Variants in SEMA5A observed in about 807,000 individuals in gnomAD.
The protein encoded by SEMA5A is semaphorin 5A.
A neutral mutation model predicts 135.5 loss-of-function variants in SEMA5A; 55 were observed. The ratio of observed to expected loss-of-function variants is 0.41; its 90% confidence interval spans 0.33 to 0.51. The LOEUF (loss-of-function observed/expected upper bound fraction) is 0.51. Ranked by LOEUF, SEMA5A falls within the 20% of genes least tolerant of loss-of-function variation. The pLI is 0.37. For synonymous variants in SEMA5A, 580 were observed against 546.5 expected (o/e 1.06, Z -0.85); for missense variants, 1,290 against 1,419.9 (o/e 0.91, Z 1.47).
chr5:9,225,384 T>C (rs1747239338), intron 7 of SEMA5A, among the ~76,000 whole-genome samples: 2 of 85,132 alleles, frequency 2.3e-5, no homozygotes, highest in South Asian at 5.4e-4. Context: ...AAACCCCATC[T>C]CTACTAAAAA....
chr5:9,051,986 G>C lies in SEMA5A; in HGVS notation c.2732C>G (p.Ser911Cys), dbSNP rs376932911. The C allele has an allele frequency of 2.5e-6, 4 of 1,613,548 alleles. No homozygotes were observed. In the African/African-American group the frequency reaches 5.3e-5, roughly 22 times the overall value. The change falls in exon 20 of 23, where the codon TCT becomes TGT. Residue 911 changes from serine (S) to cysteine (C), a missense_variant. Ser to Cys is a moderately radical substitution (Grantham distance 112). Coordinates refer to ENST00000382496, the MANE Select transcript of SEMA5A (RefSeq NM_003966.3). ...EWSDWSECEA[S>C]GVQVRARQCI... Reference sequence around the variant, plus strand: ...CTGGCGGGCGCGGACTTGGACGCCAGAGGCTTCACACTCAGACCAGTCCGA... The same window carrying C: ...CTGGCGGGCGCGGACTTGGACGCCACAGGCTTCACACTCAGACCAGTCCGA...
chr5:9,084,132 C>G (rs1255198302), intron 16 of SEMA5A, among the ~76,000 whole-genome samples: 1 of 152,154 alleles, frequency 6.6e-6, no homozygotes, highest in Non-Finnish European at 1.5e-5. Flanking sequence ...AGTAAGTTAT[C>G]AAAATAGTTG....
chr5:9,154,093 A>ATGTGTG (rs1553993817), intron 12 of SEMA5A, among the ~76,000 whole-genome samples: 1,043 of 72,848 alleles, frequency 0.014, 35 homozygotes, highest in African/African-American at 0.031. Flanking sequence ...ATATATATAT[A>ATGTGTG]TGTGTGTGTG....
At chr5:9,541,023 T>C (rs1738053554) in intron 1 of SEMA5A, among the ~76,000 whole-genome samples, 2 of 152,162 alleles carry the variant, frequency 1.3e-5, no homozygotes, top group Admixed American at 6.5e-5. Context: ...CTTAGTTGCT[T>C]TCCTTGACTC....
chr5:9,263,240 A>C (rs2150520836), intron 5 of SEMA5A, among the ~76,000 whole-genome samples: 1 of 152,264 alleles, frequency 6.6e-6, no homozygotes, highest in Admixed American at 6.5e-5. Flanking sequence ...CATCTAAGTC[A>C]GGGGTCCCCA....
chr5:9,100,108 T>C (rs116511058), intron 16 of SEMA5A, among the ~76,000 whole-genome samples: 25 of 152,194 alleles, frequency 1.6e-4, no homozygotes, highest in Non-Finnish European at 3.5e-4. Flanking sequence ...TGGGTATCCA[T>C]GGCTATGCGA....
At chr5:9,521,367 G>T (rs977653867) in intron 1 of SEMA5A, among the ~76,000 whole-genome samples, 1 of 152,154 alleles carries the variant, frequency 6.6e-6, no homozygotes, top group African/African-American at 2.4e-5. Flanking sequence ...CGGAGATCAC[G>T]CCACTGCATT....
intron 2 of SEMA5A, among the ~76,000 whole-genome samples, chr5:9,409,474 A>G (rs886558166): frequency 3.9e-5 from 6 of 152,148 alleles, no homozygotes; most frequent in Admixed American, 3.9e-4. Context: ...GCCAGAACCA[A>G]AACTCCACCT....
chr5:9,228,951 C>CAT (rs2150428051), intron 6 of SEMA5A, among the ~76,000 whole-genome samples: 1 of 152,294 alleles, frequency 6.6e-6, no homozygotes, highest in East Asian at 1.9e-4. Flanking sequence ...ATGCATAGTG[C>CAT]TAATTTCTGT....
chr5:9,453,469 C>T (rs1758720668), intron 1 of SEMA5A, among the ~76,000 whole-genome samples: 2 of 152,176 alleles, frequency 1.3e-5, no homozygotes, highest in South Asian at 4.1e-4. Context: ...GGCTGCAGAA[C>T]TGGCTGGTAT....
chr5:9,305,086 T>C (rs1468402065), intron 5 of SEMA5A, among the ~76,000 whole-genome samples: 1 of 152,004 alleles, frequency 6.6e-6, no homozygotes, highest in Non-Finnish European at 1.5e-5. Flanking sequence ...TCCACAATTA[T>C]CTCCCTTTGC....
chr5:9,392,687 GATTTT>G (rs1756214188), intron 2 of SEMA5A, among the ~76,000 whole-genome samples: 4 of 152,184 alleles, frequency 2.6e-5, no homozygotes. Context: ...CTGGAGGACA[GATTTT>G]ATTTTGTTCT....
chr5:9,421,708 CTT>C (rs1324429941), intron 2 of SEMA5A, among the ~76,000 whole-genome samples: 3 of 152,144 alleles, frequency 2.0e-5, no homozygotes, highest in Non-Finnish European at 4.4e-5. Flanking sequence ...TTCTCTCTCT[CTT>C]TTTGGCCAGT....
intron 1 of SEMA5A, among the ~76,000 whole-genome samples, chr5:9,466,604 G>A (rs938555996): frequency 6.6e-6 from 1 of 152,178 alleles, no homozygotes; most frequent in Non-Finnish European, 1.5e-5. Context: ...CTAGATTCGT[G>A]TATTTACAGA....
chr5:9,187,859 C>G (rs1449938357), intron 11 of SEMA5A, among the ~76,000 whole-genome samples: 8 of 152,208 alleles, frequency 5.3e-5, no homozygotes, highest in African/African-American at 7.2e-5. Flanking sequence ...GCAGCTGAGT[C>G]CTGAGCTACT....
chr5:9,119,146 G>A lies in SEMA5A; in HGVS notation c.1782-5C>T, dbSNP rs372492678. ...CAGGGAGTCCAGCCTCCGTTCCTGA[G>A]GGAAGGGAAGCAATGCAATCATTAG... On this transcript the variant is annotated splice_polypyrimidine_tract_variant and splice_region_variant and intron_variant, in intron 14 of 22. Coordinates refer to ENST00000382496, the MANE Select transcript of SEMA5A (RefSeq NM_003966.3). 6.2e-6 allele frequency: 10 copies of A among 1,612,826 alleles called. No homozygotes were observed. The African/African-American group carries it at 1.2e-4, about 19-fold the overall frequency.
At chr5:9,044,607 A>G in intron 21 of SEMA5A, 23 bp from the exon 22 acceptor site, 2 of 1,598,174 alleles carry the variant, frequency 1.3e-6, no homozygotes, top group Non-Finnish European at 8.6e-7. Flanking sequence ...GAGCAAAGTG[A>G]TGCCACACTT....
At chr5:9,162,560 G>GTATATATA (rs760785096) in intron 11 of SEMA5A, among the ~76,000 whole-genome samples, 16 of 28,026 alleles carry the variant, frequency 5.7e-4, no homozygotes, top group Admixed American at 2.2e-3. Flanking sequence ...ATGTGTGTGT[G>GTATATATA]TGTGTATATA....
chr5:9,399,055 T>TA (rs1202832667), intron 2 of SEMA5A, among the ~76,000 whole-genome samples: 1 of 152,228 alleles, frequency 6.6e-6, no homozygotes, highest in East Asian at 1.9e-4. Context: ...TACCTCTCTA[T>TA]AAAAAATGAA....
Sources: gnomAD v4.1 joint callset for allele counts (sites outside exome capture counted in the v4.1 genomes callset) on GRCh38, gnomAD v4.1.1 for gene constraint, MANE v1.5 for transcripts, NCBI Gene and HGNC (gene_info 2026-07-23, HGNC 2026-07-21) for gene names.